Variants in GC observed in about 807,000 individuals in gnomAD.
The protein encoded by GC is vitamin D-binding protein.
In GC, 43 loss-of-function variants were observed where a neutral mutation model predicts 56.7. The ratio of observed to expected loss-of-function variants is 0.76; its 90% CI spans 0.59 to 0.98. GC has a LOEUF of 0.98. Ranked by LOEUF, GC falls within the 50% of genes least tolerant of loss-of-function variation. The pLI, the probability that GC is intolerant of heterozygous loss-of-function variation, is 0.00. For synonymous variants in GC, 216 were observed against 202.7 expected, an observed-to-expected ratio of 1.07 and a Z score of -0.56; for missense variants, 529 against 545.9, an observed-to-expected ratio of 0.97 and a Z score of 0.31.
At chr4:71,796,608 C>T (rs1198425814) in intron 1 of GC, among the ~76,000 whole-genome samples, 1 of 152,140 alleles carries the variant, frequency 6.6e-6, no homozygotes, top group East Asian at 1.9e-4. Context: ...TGGGTTAGAA[C>T]ATGCTCCTTT....
chr4:71,768,612 T>C (rs939695113), intron 2 of GC, among the ~76,000 whole-genome samples, 179 bp from the exon 3 acceptor site: 2 of 152,124 alleles, frequency 1.3e-5, no homozygotes, highest in African/African-American at 4.8e-5. Context: ...ACTACAGGTG[T>C]GCACCAATAC....
At chr4:71,762,661 TG>T (rs983602866) in intron 6 of GC, among the ~76,000 whole-genome samples, 2 of 152,216 alleles carry the variant, frequency 1.3e-5, no homozygotes, top group African/African-American at 4.8e-5. Flanking sequence ...ATTAAATTAT[TG>T]GGGTGGGTCT....
chr4:71,781,590 G>C (rs1485315256), intron 1 of GC, among the ~76,000 whole-genome samples: 2 of 151,686 alleles, frequency 1.3e-5, no homozygotes, highest in Non-Finnish European at 2.9e-5. Flanking sequence ...TTTTATAGCT[G>C]TATCACCAGT....
intron 12 of GC, among the ~76,000 whole-genome samples, chr4:71,744,200 C>G (rs1192442785): frequency 6.6e-6 from 1 of 150,416 alleles, no homozygotes; most frequent in Non-Finnish European, 1.5e-5. Flanking sequence ...CCCAGCACTT[C>G]AGGAGGCCGA....
intron 1 of GC, among the ~76,000 whole-genome samples, chr4:71,794,590 A>AT (rs1398023937): frequency 2.0e-5 from 3 of 151,220 alleles, no homozygotes; most frequent in Admixed American, 6.6e-5. Flanking sequence ...AATTTTGTTG[A>AT]TTTTTTTAAA....
intron 1 of GC, among the ~76,000 whole-genome samples, chr4:71,771,183 C>T (rs966878482): frequency 6.6e-5 from 10 of 152,164 alleles, no homozygotes; most frequent in African/African-American, 2.4e-4. Context: ...ATGATGGTAA[C>T]TGCTGTCAGG....
At chr4:71,781,033 G>C (rs222032) in intron 1 of GC, among the ~76,000 whole-genome samples, 152,200 of 152,258 alleles carry the variant, frequency 1, 76,071 homozygotes, top group Middle Eastern at 1. Context: ...GGCACATATA[G>C]ACCATGGAAT....
intron 6 of GC, among the ~76,000 whole-genome samples, chr4:71,761,903 C>T (rs745974481): frequency 6.6e-6 from 1 of 152,192 alleles, no homozygotes; most frequent in Non-Finnish European, 1.5e-5. Context: ...AGGTTTGCTG[C>T]AGGGGCAGGG....
At chr4:71,778,145 A>G (rs1742568293) in intron 1 of GC, among the ~76,000 whole-genome samples, 1 of 151,910 alleles carries the variant, frequency 6.6e-6, no homozygotes, top group Admixed American at 6.6e-5. Context: ...ATTCCAATAA[A>G]TCTTTCTAAA....
upstream of GC, among the ~76,000 whole-genome samples, chr4:71,787,049 A>G (rs571903202): frequency 3.3e-5 from 5 of 152,016 alleles, no homozygotes; most frequent in African/African-American, 1.2e-4. Flanking sequence ...ATTGACTTCC[A>G]TGAGAAATTC....
At chr4:71,790,260 C>A (rs1033249930) in intron 1 of GC, among the ~76,000 whole-genome samples, 1 of 151,886 alleles carries the variant, frequency 6.6e-6, no homozygotes. Flanking sequence ...ATGGTAAAAA[C>A]CATTTTGCAC....
intron 6 of GC, 110 bp downstream of exon 6, chr4:71,763,298 A>G: frequency 4.2e-6 from 2 of 473,168 alleles, no homozygotes; most frequent in Non-Finnish European, 7.4e-6. Context: ...GGAGCTGAAA[A>G]GTCTATTTTA....
At chr4:71,750,922 G>T (rs1451529636) in intron 11 of GC, among the ~76,000 whole-genome samples, 4 of 151,798 alleles carry the variant, frequency 2.6e-5, no homozygotes, top group African/African-American at 9.7e-5. Flanking sequence ...GGGTTTAAGG[G>T]CTTCTAATTC....
chr4:71,759,794 C>A (rs925270046), intron 6 of GC, among the ~76,000 whole-genome samples: 3 of 152,124 alleles, frequency 2.0e-5, no homozygotes, highest in South Asian at 2.1e-4. Context: ...GAATATTAAA[C>A]CCTTATCAGA....
chr4:71,748,439 A>G lies in GC; in HGVS notation c.1396-2234T>C, dbSNP rs115288925. 9.1e-3 allele frequency among the ~76,000 whole-genome samples: 1,388 copies of G among 152,184 alleles called. 27 individuals carry two copies. Among genetic ancestry groups the G allele is most frequent in the African/African-American group, 0.032 (1,327 of 41,536 alleles). ...TGTGTTTTTAAGATTTTAGTGATCA[A>G]TTCCAGCATATTACAATGACTTTTG... On this transcript the variant is annotated intron_variant, in intron 11 of 12. Coordinates refer to ENST00000273951, the MANE Select transcript of GC (RefSeq NM_000583.4).
chr4:71,751,628 A>C (rs1389209258), intron 11 of GC, among the ~76,000 whole-genome samples: 2 of 152,016 alleles, frequency 1.3e-5, no homozygotes, highest in Admixed American at 1.3e-4. Context: ...TTTACTGTTA[A>C]CAATATTGGA....
chr4:71,795,694 T>A (rs1456760839), intron 1 of GC, among the ~76,000 whole-genome samples: 3 of 152,250 alleles, frequency 2.0e-5, no homozygotes, highest in South Asian at 2.1e-4. Flanking sequence ...TTTGATCCTG[T>A]TATTATGATG....
chr4:71,761,471 C>A (rs1307980736), intron 6 of GC, among the ~76,000 whole-genome samples: 1 of 152,110 alleles, frequency 6.6e-6, no homozygotes, highest in Non-Finnish European at 1.5e-5. Context: ...AAAAGAAAAG[C>A]CCTTTTTCTG....
At chr4:71,798,724 C>G (rs187743924) in intron 1 of GC, among the ~76,000 whole-genome samples, 1 of 152,272 alleles carries the variant, frequency 6.6e-6, no homozygotes, top group Non-Finnish European at 1.5e-5. Context: ...CTTCCAAGGT[C>G]TAGTCTTTCC....
Sources: allele counts gnomAD v4.1 joint callset (sites outside exome capture counted in the v4.1 genomes callset), GRCh38; gene constraint gnomAD v4.1.1; transcripts MANE v1.5; gene names NCBI Gene and HGNC (gene_info 2026-07-23, HGNC 2026-07-21).